The following CNNM1 variants were observed in gnomAD, a reference collection of about 807,000 sequenced individuals.
The protein encoded by CNNM1 is cyclin and CBS domain divalent metal cation transport mediator 1, also known as metal transporter CNNM1.
A neutral mutation model predicts 78.8 loss-of-function variants in CNNM1; 44 were observed. The observed-to-expected ratio is 0.56, with a 90% confidence interval of 0.44 to 0.72. The LOEUF is 0.72. CNNM1 is among the 30% of genes least tolerant of loss of function. The probability of loss-of-function intolerance (pLI) is 0.00; values close to 1 mark genes in which losing one functional copy is unlikely to be tolerated. For missense variants in CNNM1, 1,101 were observed against 1,292.2 expected (o/e 0.85, Z 2.27); for synonymous variants, 584 against 581.5 (o/e 1.00, Z -0.06).
chr10:99,366,388 C>T (rs1437585600), intron 6 of CNNM1, among the ~76,000 whole-genome samples: 1 of 151,846 alleles, frequency 6.6e-6, no homozygotes, highest in East Asian at 1.9e-4. Context: ...GTGATCTCTT[C>T]CAGAAGACTA....
intron 6 of CNNM1, among the ~76,000 whole-genome samples, chr10:99,375,042 G>A (rs1324450252): frequency 2.0e-5 from 3 of 152,166 alleles, no homozygotes; most frequent in Non-Finnish European, 4.4e-5. Flanking sequence ...ATTAGCTGAG[G>A]CGGGAGGAGG....
chr10:99,356,558 C>CAGAAAGAAAGAAAGAA (rs1355245134), intron 1 of CNNM1, among the ~76,000 whole-genome samples: 104 of 45,786 alleles, frequency 2.3e-3, no homozygotes, highest in Non-Finnish European at 4.8e-3. Context: ...GACAGACAGA[C>CAGAAAGAAAGAAAGAA]AGACAGAAAG....
rs1394603233 is a variant in CNNM1, at chr10:99,381,340, G to A, written c.2340+4122G>A. ...GAGGCAGGAGAATCGCTTCAACCCA[G>A]GACACGGAGGTTGTAGTGAGCCGAG... is the stretch of plus-strand genomic sequence containing the variant. On this transcript the variant is annotated intron_variant, in intron 7 of 10. Transcript: ENST00000356713. 2.0e-5 allele frequency among the ~76,000 whole-genome samples: 3 copies of A among 149,784 alleles called. No homozygotes were observed. The Admixed American group carries it at 2.0e-4, about 10-fold the overall frequency.
intron 4 of CNNM1, among the ~76,000 whole-genome samples, chr10:99,363,119 G>C (rs1015896787): frequency 2.0e-5 from 3 of 152,132 alleles, no homozygotes; most frequent in Non-Finnish European, 4.4e-5. Flanking sequence ...CTGATTCCCT[G>C]TCCCTTCCCA....
At chr10:99,372,818 G>A (rs771228736) in intron 6 of CNNM1, among the ~76,000 whole-genome samples, 2 of 152,216 alleles carry the variant, frequency 1.3e-5, no homozygotes, top group Admixed American at 6.5e-5. Flanking sequence ...CAGAGGGGCC[G>A]GGACTTTCTC....
At chr10:99,381,412 A>C (rs1256310421) in intron 7 of CNNM1, among the ~76,000 whole-genome samples, 1 of 144,306 alleles carries the variant, frequency 6.9e-6, no homozygotes, top group Non-Finnish European at 1.5e-5. Flanking sequence ...CTGTCTTCAA[A>C]AAAAAAAAAA....
rs951051484 is a variant in CNNM1, at chr10:99,393,613, G to A, written c.*2097G>A. 2.0e-5 allele frequency: 3 copies of A among 152,494 alleles called. No individual in the cohort carries two copies. The highest frequency in any genetic ancestry group is 2.0e-4 in the Admixed American group (3 of 15,268). 9.4% of individuals were successfully genotyped at this position (152,494 alleles called of 1,614,324 possible). On this transcript the variant is annotated 3_prime_UTR_variant, in exon 11 of 11. Transcript: ENST00000356713. ...AGTGGATACTGGGCAGTTCGAGACA[G>A]GTTTTTAATCATAAGTGGTCTTTTC... is the stretch of plus-strand genomic sequence containing the variant.
intron 7 of CNNM1, among the ~76,000 whole-genome samples, chr10:99,387,162 A>G (rs545711799): frequency 3.9e-5 from 6 of 152,256 alleles, no homozygotes; most frequent in Admixed American, 2.0e-4. Context: ...CCTGCCTGGA[A>G]TCGTGGAGAC....
chr10:99,388,602 C>T (rs77689994), intron 9 of CNNM1, among the ~76,000 whole-genome samples: 7,291 of 152,240 alleles, frequency 0.048, 300 homozygotes, highest in South Asian at 0.13. Context: ...AGTTATTGAA[C>T]CTAAGACTCA....
chr10:99,369,670 T>C (rs915761955), intron 6 of CNNM1, among the ~76,000 whole-genome samples: 6 of 152,208 alleles, frequency 3.9e-5, no homozygotes, highest in Non-Finnish European at 7.4e-5. Context: ...CAAGATAAGT[T>C]AACCACCTTC....
rs114459594 is a variant in CNNM1 at position 99,373,971 on chromosome 10, C to T, written c.2177-3084C>T. Reference sequence around the variant, plus strand: ...ATCACATTTTCTTTATCCAGTCATCCATTGATGGACACTTGGGTTGATTCT... The same window carrying T: ...ATCACATTTTCTTTATCCAGTCATCTATTGATGGACACTTGGGTTGATTCT... On this transcript the variant is annotated intron_variant, in intron 6 of 10. Coordinates refer to ENST00000356713, the MANE Select transcript of CNNM1 (RefSeq NM_020348.3). Among the ~76,000 whole-genome samples the T allele has an allele frequency of 9.4e-3, 1,425 of 152,182 alleles. 25 individuals are homozygous for T. Among genetic ancestry groups the T allele is most frequent in the African/African-American group, 0.033 (1,365 of 41,508 alleles).
chr10:99,389,057 C>T (rs1257495241), intron 9 of CNNM1, among the ~76,000 whole-genome samples: 1 of 152,192 alleles, frequency 6.6e-6, no homozygotes, highest in Non-Finnish European at 1.5e-5. Flanking sequence ...ACCTGTCAGA[C>T]CTACTTCAGT....
chr10:99,392,393 T>C lies in CNNM1; in HGVS notation c.*877T>C, dbSNP rs1450586251. ...ACTTACATGGAAAAACTGTAAGTGC[T>C]GAAAGCAAGTTTAGCCATGACAAAC... On this transcript the variant is annotated 3_prime_UTR_variant, in exon 11 of 11. Coordinates refer to ENST00000356713, the MANE Select transcript of CNNM1 (RefSeq NM_020348.3). 1 of 152,648 alleles carries C rather than the reference T, an allele frequency of 6.6e-6. No homozygotes were observed. The highest frequency in any genetic ancestry group is 1.5e-5 in the Non-Finnish European group (1 of 68,040). 9.5% of individuals were successfully genotyped at this position (152,648 alleles called of 1,614,324 possible).
intron 1 of CNNM1, among the ~76,000 whole-genome samples, chr10:99,345,922 T>C (rs927162443): frequency 7.2e-5 from 11 of 152,126 alleles, no homozygotes; most frequent in African/African-American, 2.2e-4. Flanking sequence ...GTCGAACTCA[T>C]GGCCTCAAGC....
chr10:99,389,340 C>T (rs978207165), intron 9 of CNNM1, among the ~76,000 whole-genome samples: 2 of 149,322 alleles, frequency 1.3e-5, no homozygotes, highest in African/African-American at 5.0e-5. Flanking sequence ...TCGCTTGAAC[C>T]TGGGAAGCTG....
chr10:99,356,562 C>CAGACAGACAGAAAGAAAAGAAAAGAA, intron 1 of CNNM1, among the ~76,000 whole-genome samples: 4 of 98,538 alleles, frequency 4.1e-5, no homozygotes, highest in Admixed American at 1.1e-4. Context: ...GACAGACAGA[C>CAGACAGACAGAAAGAAAAGAAAAGAA]AGAAAGAAAG....
chr10:99,390,202 C>A (rs544523620), intron 9 of CNNM1, 104 bp from the exon 10 acceptor site: 2 of 826,296 alleles, frequency 2.4e-6, no homozygotes, highest in South Asian at 3.3e-5. Context: ...TGGCTCACGT[C>A]TTAAACTTCA....
At chr10:99,376,074 G>GCC (rs990204830) in intron 6 of CNNM1, among the ~76,000 whole-genome samples, 1 of 152,176 alleles carries the variant, frequency 6.6e-6, no homozygotes, top group Non-Finnish European at 1.5e-5. Flanking sequence ...TGATCCCAGT[G>GCC]CCCCCCTCAG....
At chr10:99,388,100 G>A in intron 8 of CNNM1, 52 bp from the exon 9 acceptor site, 1 of 1,608,308 alleles carries the variant, frequency 6.2e-7, no homozygotes, top group African/African-American at 1.3e-5. Flanking sequence ...CACCACCTGA[G>A]CCCTGGGTCT....
Sources: gnomAD v4.1 joint callset for allele counts (sites outside exome capture counted in the v4.1 genomes callset) on GRCh38, gnomAD v4.1.1 for gene constraint, MANE v1.5 for transcripts, NCBI Gene and HGNC (gene_info 2026-07-23, HGNC 2026-07-21) for gene names.